CCDC102B: variants seen among roughly 807,000 people sequenced by gnomAD.
CCDC102B encodes the protein coiled-coil domain containing 102B.
A neutral mutation model predicts 57.4 loss-of-function variants in CCDC102B; 75 were observed. The ratio of observed to expected loss-of-function variants is 1.31; its 90% confidence interval spans 1.08 to 1.58. CCDC102B has a LOEUF of 1.58. Among genes scored for constraint, CCDC102B ranks in the 40% most tolerant of loss-of-function variants. The pLI, the probability that CCDC102B is intolerant of heterozygous loss-of-function variation, is 0.00. For synonymous variants in CCDC102B, 206 were observed against 201.9 expected, an observed-to-expected ratio of 1.02 and a Z score of -0.17; for missense variants, 636 against 582.6, an observed-to-expected ratio of 1.09 and a Z score of -0.94.
chr18:69,032,915 C>T (rs1225578036), intron 7 of CCDC102B, among the ~76,000 whole-genome samples: 1 of 151,988 alleles, frequency 6.6e-6, no homozygotes, highest in Non-Finnish European at 1.5e-5. Context: ...CTCTGAGCTG[C>T]AATAAAGTGT....
chr18:68,872,246 T>G (rs2039266951), intron 4 of CCDC102B, among the ~76,000 whole-genome samples: 1 of 152,056 alleles, frequency 6.6e-6, no homozygotes, highest in Non-Finnish European at 1.5e-5. Context: ...CAAAGTTCAG[T>G]GGAGAACTAG....
chr18:69,001,811 G>A (rs970476730), intron 6 of CCDC102B, among the ~76,000 whole-genome samples: 2 of 152,214 alleles, frequency 1.3e-5, no homozygotes, highest in African/African-American at 4.8e-5. Flanking sequence ...AAGGAAAGAA[G>A]AAAGGAGAAA....
At chr18:68,911,628 T>C (rs549909916) in intron 6 of CCDC102B, among the ~76,000 whole-genome samples, 4 of 148,802 alleles carry the variant, frequency 2.7e-5, no homozygotes, top group South Asian at 2.2e-4. Flanking sequence ...GGCGGGCGCC[T>C]GTAGTCCCAG....
intron 2 of CCDC102B, among the ~76,000 whole-genome samples, chr18:68,752,286 T>A (rs964399168): frequency 1.3e-5 from 2 of 151,100 alleles, no homozygotes; most frequent in Non-Finnish European, 1.5e-5. Flanking sequence ...AAAATCAACA[T>A]CAAGTAACAG....
chr18:68,805,924 G>A (rs1206566908), intron 1 of CCDC102B, among the ~76,000 whole-genome samples: 1 of 152,130 alleles, frequency 6.6e-6, no homozygotes, highest in African/African-American at 2.4e-5. Context: ...AGTGTTGTCA[G>A]TGATCTCATT....
intron 2 of CCDC102B, among the ~76,000 whole-genome samples, chr18:68,735,557 T>C (rs1051406364): frequency 6.6e-6 from 1 of 152,202 alleles, no homozygotes; most frequent in Non-Finnish European, 1.5e-5. Flanking sequence ...ATGCCTTGCA[T>C]GTTCTAAAAT....
intron 5 of CCDC102B, among the ~76,000 whole-genome samples, chr18:68,881,456 C>CCCA (rs1341893874): frequency 1.3e-5 from 2 of 152,096 alleles, no homozygotes; most frequent in African/African-American, 2.4e-5. Flanking sequence ...CCATAGGGTG[C>CCCA]CCAGACATTT....
At chr18:69,022,242 G>A (rs8096526) in intron 7 of CCDC102B, among the ~76,000 whole-genome samples, 122,800 of 144,516 alleles carry the variant, frequency 0.85, 52,884 homozygotes, top group Non-Finnish European at 0.95. Context: ...ACACGCGTGC[G>A]TGTGCACACA....
At chr18:69,034,181 A>T (rs2052223260) in intron 7 of CCDC102B, among the ~76,000 whole-genome samples, 1 of 151,922 alleles carries the variant, frequency 6.6e-6, no homozygotes, top group Non-Finnish European at 1.5e-5. Flanking sequence ...CTTTCTTGAT[A>T]GAGTTATTTG....
At chr18:68,843,789 C>T (rs2037738982) in intron 3 of CCDC102B, among the ~76,000 whole-genome samples, 3 of 151,888 alleles carry the variant, frequency 2.0e-5, no homozygotes. Flanking sequence ...TAATATACAT[C>T]CCAATTATAA....
At chr18:68,995,905 G>A (rs1204239358) in intron 6 of CCDC102B, among the ~76,000 whole-genome samples, 2 of 152,154 alleles carry the variant, frequency 1.3e-5, no homozygotes, top group Admixed American at 6.5e-5. Flanking sequence ...AGCCGCAATG[G>A]GGCTGGTACC....
intron 6 of CCDC102B, among the ~76,000 whole-genome samples, chr18:68,963,393 A>G (rs1474788540): frequency 2.6e-5 from 4 of 152,014 alleles, no homozygotes; most frequent in South Asian, 2.1e-4. Flanking sequence ...CAGGGAATTC[A>G]TATAAATTGG....
chr18:68,732,890 T>C lies in CCDC102B; in HGVS notation c.-67+16296T>C, dbSNP rs372900492. On this transcript the variant is annotated intron_variant, in intron 2 of 3. Coordinates refer to the CCDC102B transcript ENST00000578970. The stretch of plus-strand genomic sequence containing the variant: ...CATGGCTAAACATCCATCGCACAAG[T>C]GTGGAGCTCCCTTCCAGATTCCTGG... Among the ~76,000 whole-genome samples the C allele has an allele frequency of 9.9e-5, 15 of 152,190 alleles. No individual in the cohort carries two copies. The East Asian group carries it at 1.4e-3, about 14-fold the overall frequency.
At chr18:68,888,989 T>G (rs1279560027) in intron 5 of CCDC102B, among the ~76,000 whole-genome samples, 5 of 151,770 alleles carry the variant, frequency 3.3e-5, no homozygotes, top group Non-Finnish European at 7.4e-5. Context: ...ATTTACACTT[T>G]TGAGCTACCA....
intron 7 of CCDC102B, among the ~76,000 whole-genome samples, chr18:69,011,845 A>G (rs1321803159): frequency 6.6e-6 from 1 of 152,100 alleles, no homozygotes; most frequent in East Asian, 1.9e-4. Flanking sequence ...GTTTCTATAT[A>G]ATGCAAAACA....
At chr18:68,809,045 A>T (rs1476192820) in intron 1 of CCDC102B, among the ~76,000 whole-genome samples, 1 of 152,196 alleles carries the variant, frequency 6.6e-6, no homozygotes, top group Admixed American at 6.5e-5. Context: ...TAATTATGAA[A>T]CTTGGGAAGT....
Position 68,992,078 on chromosome 18 carries a change from T to G in CCDC102B, c.1264-18856T>G, listed in dbSNP as rs183858294. Among the ~76,000 whole-genome samples the G allele has an allele frequency of 2.6e-5, 4 of 152,318 alleles. No homozygotes were observed. In the East Asian group the frequency reaches 7.7e-4, roughly 29 times the overall value. ...TATTTTTGCCAGTTATTGTATCTTT[T>G]TTTTTTATCCTTTTTCTTTTCCTTT... is the stretch of plus-strand genomic sequence containing the variant. On this transcript the variant is annotated intron_variant, in intron 6 of 7. Transcript: ENST00000360242.
chr18:68,896,269 A>G (rs957894744), intron 5 of CCDC102B, among the ~76,000 whole-genome samples: 1 of 152,112 alleles, frequency 6.6e-6, no homozygotes, highest in South Asian at 2.1e-4. Flanking sequence ...CAGAAAATAA[A>G]TACATTTGAT....
intron 6 of CCDC102B, among the ~76,000 whole-genome samples, chr18:68,968,774 C>T (rs140538951): frequency 1.7e-4 from 26 of 152,238 alleles, no homozygotes; most frequent in Admixed American, 3.3e-4. Flanking sequence ...ATACGCCTCA[C>T]ATAAGAGCAC....
Sources: allele counts gnomAD v4.1 joint callset (sites outside exome capture counted in the v4.1 genomes callset), GRCh38; gene constraint gnomAD v4.1.1; transcripts MANE v1.5; gene names NCBI Gene and HGNC (gene_info 2026-07-23, HGNC 2026-07-21).